Variants in LPCAT3 observed in about 807,000 individuals in gnomAD.
LPCAT3 encodes the protein lysophospholipid acyltransferase 5.
A neutral mutation model predicts 63.4 loss-of-function variants in LPCAT3; 21 were observed. That is an observed-to-expected ratio of 0.33 (90% CI 0.23 to 0.48). The LOEUF is 0.48. Ranked by LOEUF, LPCAT3 falls within the 20% of genes least tolerant of loss-of-function variation. LPCAT3 has a pLI of 0.99. For missense variants in LPCAT3, 451 were observed against 590.6 expected (o/e 0.76, Z 2.45); for synonymous variants, 242 against 227.5 (o/e 1.06, Z -0.58).
Position 6,983,516 on chromosome 12 carries a change from G to A in LPCAT3, c.175C>T (p.Arg59Trp). 1.9e-6 allele frequency: 3 copies of A among 1,610,786 alleles called. No individual in the cohort carries two copies. The highest frequency in any genetic ancestry group is 2.5e-6 in the Non-Finnish European group (3 of 1,177,290). ...GTCTCCTTGTAGAAAAGGTAATGCC[G>A]ATAAAACAAAGCAAAGGGGTAACCT... ...FLGYPFALFY[R>W]HYLFYKETYL... The change falls in exon 2 of 13, where the codon CGG becomes TGG. Residue 59 changes from arginine (R) to tryptophan (W), a missense_variant. Arg to Trp is a moderately radical substitution (Grantham distance 101). This residue lies in a region of LPCAT3 where 133 missense variants were observed against 152.1 expected (regional missense o/e 0.87). Coordinates refer to ENST00000261407, the MANE Select transcript of LPCAT3 (RefSeq NM_005768.6).
Position 6,983,113 on chromosome 12 carries a change from C to T in LPCAT3, c.259+319G>A, listed in dbSNP as rs1347230398. ...AGCTTGTTACTGTATTTTTGAATGT[C>T]TGAAGTGAAGAATGAATCTAAGTGG... On this transcript the variant is annotated intron_variant, in intron 2 of 12. Coordinates refer to ENST00000261407, the MANE Select transcript of LPCAT3 (RefSeq NM_005768.6). The T allele has an allele frequency of 2.0e-5, 10 of 499,866 alleles. No individual in the cohort carries two copies. The Admixed American group carries it at 3.0e-4, about 15-fold the overall frequency. The allele number at this position is 499,866 out of a possible 1,614,324, so 31.0% of individuals were successfully genotyped here.
intron 7 of LPCAT3, chr12:6,978,901 G>C (rs933659350): frequency 2.8e-5 from 18 of 631,966 alleles, no homozygotes; most frequent in Non-Finnish European, 4.8e-5. Flanking sequence ...TTCCCTTGGA[G>C]AGCCTCAAGG....
chr12:7,005,657 G>A (rs781961245), intron 1 of LPCAT3, among the ~76,000 whole-genome samples: 1 of 152,256 alleles, frequency 6.6e-6, no homozygotes, highest in East Asian at 1.9e-4. Context: ...TATCATTGTG[G>A]TTTTGATTTG....
At chr12:6,996,519 G>A (rs1032132818) in intron 1 of LPCAT3, among the ~76,000 whole-genome samples, 27 of 152,152 alleles carry the variant, frequency 1.8e-4, no homozygotes, top group African/African-American at 4.6e-4. Context: ...AGTCCCTACC[G>A]TACCCCAGTG....
chr12:6,977,083 T>G lies in LPCAT3; in HGVS notation c.*12+51A>C. The G allele has an allele frequency of 9.0e-7, 1 of 1,114,182 alleles. No homozygotes were observed. Among genetic ancestry groups the G allele is most frequent in the East Asian group, 2.4e-5 (1 of 42,288 alleles). The allele number at this position is 1,114,182 out of a possible 1,614,324, so 69.0% of individuals were successfully genotyped here. A position where few individuals can be genotyped will look rare whatever the true frequency, so the allele number is the denominator to read the frequency against. On this transcript the variant is annotated intron_variant, in intron 12 of 12. Transcript: ENST00000261407. The surrounding 1 kb of genome is among the most constrained non-coding windows in gnomAD (Gnocchi z 4.5). ...ATACTATTGTTTTTTTCCAGTCTGT[T>G]GCTCTATTCTGTAACCTGGTGGTAG...
intron 6 of LPCAT3, chr12:6,979,878 A>G: frequency 2.8e-6 from 1 of 357,296 alleles, no homozygotes. Flanking sequence ...CAGGTCTCAC[A>G]ATCTCCATTG....
chr12:6,982,474 G>T (rs1946480007), intron 3 of LPCAT3, among the ~76,000 whole-genome samples: 1 of 152,204 alleles, frequency 6.6e-6, no homozygotes, highest in African/African-American at 2.4e-5. Flanking sequence ...CCTTCCTTGA[G>T]GCAGGCAAAG....
In LPCAT3 at chr12:7,006,518, C is replaced by T. The variant is rs188433012; in HGVS notation, c.151+11756G>A. On this transcript the variant is annotated intron_variant, in intron 1 of 12. Transcript: ENST00000261407. ...ACAGGCGTGAGCCATGGTGCCTGGC[C>T]GATGGTATACATTTTAAAAATAAAT... Among the ~76,000 whole-genome samples, 245 of 152,202 alleles carry T rather than the reference C, an allele frequency of 1.6e-3. 2 individuals carry two copies. Among genetic ancestry groups the T allele is most frequent in the African/African-American group, 5.6e-3 (231 of 41,522 alleles).
intron 1 of LPCAT3, among the ~76,000 whole-genome samples, chr12:7,013,527 C>A (rs1364847722): frequency 3.9e-5 from 6 of 152,108 alleles, no homozygotes; most frequent in African/African-American, 1.4e-4. Context: ...ATCTGAGACA[C>A]AATCCAGAGG....
rs1565595934 is a variant in LPCAT3 at position 6,977,350 on chromosome 12, A to G, written c.1347+17T>C. 3 of 1,614,102 alleles carry G rather than the reference A, an allele frequency of 1.9e-6. No individual in the cohort carries two copies. Among genetic ancestry groups the G allele is most frequent in the Non-Finnish European group, 2.5e-6 (3 of 1,179,944 alleles). ...GCAGTGAGTCCCTCCCAGTCTCACAAGCAGGCCTTCACTTGCCTTAAGCCA... is the reference window on the plus strand; with the variant it reads ...GCAGTGAGTCCCTCCCAGTCTCACAGGCAGGCCTTCACTTGCCTTAAGCCA... On this transcript the variant is annotated intron_variant, in intron 11 of 12. Coordinates refer to ENST00000261407, the MANE Select transcript of LPCAT3 (RefSeq NM_005768.6). The surrounding 1 kb of genome is among the most constrained non-coding windows in gnomAD (Gnocchi z 4.5).
chr12:6,982,796 G>T lies in LPCAT3; in HGVS notation c.260-14C>A. The T allele has an allele frequency of 6.3e-7, 1 of 1,577,658 alleles. No homozygotes were observed. Among genetic ancestry groups the T allele is most frequent in the South Asian group, 1.1e-5 (1 of 90,258 alleles). On this transcript the variant is annotated splice_polypyrimidine_tract_variant and intron_variant, in intron 2 of 12. Coordinates refer to ENST00000261407, the MANE Select transcript of LPCAT3 (RefSeq NM_005768.6). ...AGAGCTGGTTTCCTGGATGCAAGAAGAGAGAATTTAGCCTGGTTTTTACAC... is the reference window on the plus strand; with the variant it reads ...AGAGCTGGTTTCCTGGATGCAAGAATAGAGAATTTAGCCTGGTTTTTACAC...
intron 1 of LPCAT3, among the ~76,000 whole-genome samples, chr12:6,993,422 G>C (rs182188048): frequency 2.2e-4 from 33 of 151,094 alleles, no homozygotes; most frequent in Non-Finnish European, 4.7e-4. Flanking sequence ...AACAGAGCGA[G>C]ACTCCATCTC....
intron 1 of LPCAT3, among the ~76,000 whole-genome samples, chr12:6,983,892 C>T (rs1555154488): frequency 6.6e-6 from 1 of 152,120 alleles, no homozygotes; most frequent in Non-Finnish European, 1.5e-5. Flanking sequence ...TGTATAATCC[C>T]AGCACTCTGG....
At position 6,997,590 on chromosome 12, in the gene LPCAT3, C is replaced by CT. The variant is rs1205204101; in HGVS notation, c.152-14052dup. Among the ~76,000 whole-genome samples the CT allele has an allele frequency of 5.4e-3, 698 of 129,560 alleles. 6 individuals carry two copies. Among genetic ancestry groups the CT allele is most frequent in the East Asian group, 0.014 (61 of 4,316 alleles). The allele number at this position is 129,560 out of a possible 152,430, so 85.0% of individuals were successfully genotyped here. ...CACCATGCATGGCTGATTTTCTTTT[C>CT]TTTTTTTTTTTTTGAGATGGAGTTT... On this transcript the variant is annotated intron_variant, in intron 1 of 12. Transcript: ENST00000261407.
chr12:6,983,934 G>A lies in LPCAT3; in HGVS notation c.152-395C>T, dbSNP rs1190083666. 2.4e-4 allele frequency among the ~76,000 whole-genome samples: 37 copies of A among 152,232 alleles called. No homozygotes were observed. In the East Asian group the frequency reaches 6.6e-3, roughly 27 times the overall value. ...GAGGCAAGGGGATTGCTTGAGCCGAGGAGTTCGACACCAGCCTGAGCAACA... is the reference window on the plus strand; with the variant it reads ...GAGGCAAGGGGATTGCTTGAGCCGAAGAGTTCGACACCAGCCTGAGCAACA... On this transcript the variant is annotated intron_variant, in intron 1 of 12. Coordinates refer to ENST00000261407, the MANE Select transcript of LPCAT3 (RefSeq NM_005768.6).
At chr12:6,993,239 A>G (rs1329464180) in intron 1 of LPCAT3, among the ~76,000 whole-genome samples, 2 of 152,218 alleles carry the variant, frequency 1.3e-5, no homozygotes, top group African/African-American at 4.8e-5. Flanking sequence ...GGAGATCAAG[A>G]CCATCCTGGC....
At chr12:7,006,152 T>C (rs1449001273) in intron 1 of LPCAT3, among the ~76,000 whole-genome samples, 1 of 152,210 alleles carries the variant, frequency 6.6e-6, no homozygotes, top group African/African-American at 2.4e-5. Flanking sequence ...AGTGGAAAGG[T>C]TGAGAGGCGC....
rs73264659 is a variant in LPCAT3, at chr12:7,006,671, C to A, written c.151+11603G>T. Among the ~76,000 whole-genome samples, 16 of 152,168 alleles carry A rather than the reference C, an allele frequency of 1.1e-4. 1 individual carries two copies. In the Middle Eastern group the frequency reaches 0.01, roughly 97 times the overall value. ...TAAAGAATGGGGATTTCTAGTAGTA[C>A]GGTTCAATATTTTTGGTCAGGGCCC... On this transcript the variant is annotated intron_variant, in intron 1 of 12. Coordinates refer to ENST00000261407, the MANE Select transcript of LPCAT3 (RefSeq NM_005768.6).
Position 6,976,817 on chromosome 12 carries a change from A to T in LPCAT3, c.*87T>A, listed in dbSNP as rs1282729564. On this transcript the variant is annotated 3_prime_UTR_variant, in exon 13 of 13. Transcript: ENST00000261407. ...GATCTTCCACCTCCCTGGCTTTTCC[A>T]TTCTCTGCTCTGGGGCAAAGGAGTG... 1 of 206,042 alleles carries T rather than the reference A, an allele frequency of 4.9e-6. No homozygotes were observed. The highest frequency in any genetic ancestry group is 2.3e-5 in the African/African-American group (1 of 43,246). The allele number at this position is 206,042 out of a possible 1,614,324, so 12.8% of individuals were successfully genotyped here.
Sources: gnomAD v4.1 joint callset for allele counts (sites outside exome capture counted in the v4.1 genomes callset) on GRCh38, gnomAD v4.1.1 for gene constraint, gnomAD v4.1.1 regional missense constraint, Gnocchi (gnomAD v3.1) non-coding constraint, MANE v1.5 for transcripts, NCBI Gene and HGNC (gene_info 2026-07-23, HGNC 2026-07-21) for gene names.